Variants in OSBPL5 observed in about 807,000 individuals in gnomAD.
OSBPL5 encodes oxysterol binding protein like 5, also known as oxysterol-binding protein-related protein 5.
Under a neutral mutation model 111.2 loss-of-function variants are expected in OSBPL5, and 71 were observed. The observed-to-expected ratio is 0.64, with a 90% CI of 0.53 to 0.78. The LOEUF (loss-of-function observed/expected upper bound fraction) is 0.78. OSBPL5 is among the 30% of genes least tolerant of loss of function. The pLI, the probability that OSBPL5 is intolerant of heterozygous loss-of-function variation, is 0.00. For missense variants in OSBPL5, 1,210 were observed against 1,189.3 expected (o/e 1.02, Z -0.26); for synonymous variants, 549 against 513.9 (o/e 1.07, Z -0.93).
rs752330966 is a variant in OSBPL5, at chr11:3,104,148, G to C, written c.1244+45C>G. The C allele has an allele frequency of 6.4e-7, 1 of 1,565,048 alleles. No individual in the cohort carries two copies. Among genetic ancestry groups the C allele is most frequent in the Non-Finnish European group, 8.7e-7 (1 of 1,149,286 alleles). The stretch of plus-strand genomic sequence containing the variant: ...TGGGGGTGCTGCAGGGTCTCATGCA[G>C]ATGCAGGACGAGGTGTGGGGTGCCC... On this transcript the variant is annotated intron_variant, in intron 10 of 21. Transcript: ENST00000263650. This position sits in a 1 kb window ranked among gnomAD's most constrained non-coding sequence, Gnocchi z 5.0.
rs148475934 is a variant in OSBPL5 at position 3,163,760 on chromosome 11, C to T, written c.-22+1456G>A. On this transcript the variant is annotated intron_variant, in intron 1 of 21. Transcript: ENST00000263650. The stretch of plus-strand genomic sequence containing the variant: ...GCTGTGTCACCTTTCTTAAACACAG[C>T]CTGGCAAGACAGACACACGCGGTGC... 5.3e-5 allele frequency among the ~76,000 whole-genome samples: 8 copies of T among 152,352 alleles called. No homozygotes were observed. In the East Asian group the frequency reaches 1.4e-3, roughly 26 times the overall value.
At chr11:3,156,974 C>G (rs75112819) in intron 1 of OSBPL5, among the ~76,000 whole-genome samples, 4,702 of 152,340 alleles carry the variant, frequency 0.031, 156 homozygotes, top group African/African-American at 0.074. Context: ...GCCCATGCTC[C>G]AAGCACTGCA....
chr11:3,147,278 G>A (rs1324238556), intron 1 of OSBPL5, among the ~76,000 whole-genome samples: 4 of 152,182 alleles, frequency 2.6e-5, no homozygotes, highest in Non-Finnish European at 4.4e-5. Flanking sequence ...GGGAGTGGGC[G>A]CCAGCTCCAG....
chr11:3,121,237 TA>T lies in OSBPL5; in HGVS notation c.403-614del, dbSNP rs1323953450. ...CATGCCTGGCTAATTTCTGTATTTTTAGTAGAGACGGGGTTTTGCCATTTTG... is the reference window on the plus strand; with the variant it reads ...CATGCCTGGCTAATTTCTGTATTTTTGTAGAGACGGGGTTTTGCCATTTTG... On this transcript the variant is annotated intron_variant, in intron 5 of 21. Transcript: ENST00000263650. This position sits in a 1 kb window ranked among gnomAD's most constrained non-coding sequence, Gnocchi z 4.3. 2.0e-5 allele frequency among the ~76,000 whole-genome samples: 3 copies of T among 151,986 alleles called. No homozygotes were observed. Among genetic ancestry groups the T allele is most frequent in the Non-Finnish European group, 4.4e-5 (3 of 67,984 alleles).
At chr11:3,127,529 C>T (rs1450946338) in intron 2 of OSBPL5, among the ~76,000 whole-genome samples, 1 of 152,250 alleles carries the variant, frequency 6.6e-6, no homozygotes, top group Non-Finnish European at 1.5e-5. Flanking sequence ...CAGAACATCG[C>T]TGACCCTGGC....
Position 3,107,157 on chromosome 11 carries a change from T to TG in OSBPL5, c.1059+105dup. The TG allele has an allele frequency of 7.7e-7, 1 of 1,293,060 alleles. No homozygotes were observed. Among genetic ancestry groups the TG allele is most frequent in the Non-Finnish European group, 1.1e-6 (1 of 947,058 alleles). The allele number at this position is 1,293,060 out of a possible 1,614,324, so 80.1% of individuals were successfully genotyped here. On this transcript the variant is annotated intron_variant, in intron 9 of 21. Transcript: ENST00000263650. The surrounding 1 kb of genome is among the most constrained non-coding windows in gnomAD (Gnocchi z 6.1). Reference sequence around the variant, plus strand: ...AGTGATGGGGACAAAAGCTACCCCCTGGGCCCTGCGTGCTCCCCCTAGGAT... The same window carrying TG: ...AGTGATGGGGACAAAAGCTACCCCCTGGGGCCCTGCGTGCTCCCCCTAGGAT...
rs780486840 is a variant in OSBPL5, at chr11:3,093,654, C to A, written c.1819G>T (p.Val607Leu). Reference protein sequence around the residue: ...ASLSGHWDRDVFIKEEGSGSS... With the variant: ...ASLSGHWDRDLFIKEEGSGSS... ...CCGCTCCCTTCCTCCTTGATAAACA[C>A]GTCCCTGTCCTGCCCCAGATGGCCA... The change falls in exon 17 of 22, where the codon GTG becomes TTG. Residue 607 changes from valine (V) to leucine (L), a missense_variant. By Grantham distance (32) the Val-to-Leu change is conservative. Transcript: ENST00000263650. The A allele has an allele frequency of 2.7e-5, 44 of 1,613,098 alleles. No homozygotes were observed. In the Middle Eastern group the frequency reaches 6.6e-4, roughly 24 times the overall value.
intron 1 of OSBPL5, among the ~76,000 whole-genome samples, chr11:3,157,172 G>GAGCAGACTCACGGCCCAC (rs1846794263): frequency 1.3e-5 from 2 of 152,070 alleles, no homozygotes; most frequent in Non-Finnish European, 2.9e-5. Flanking sequence ...CAAACACATG[G>GAGCAGACTCACGGCCCAC]GAGCAGACTC....
At chr11:3,124,579 G>A (rs941211286) in intron 3 of OSBPL5, among the ~76,000 whole-genome samples, 6 of 152,082 alleles carry the variant, frequency 3.9e-5, no homozygotes, top group African/African-American at 1.2e-4. Context: ...TCTTTCTCAG[G>A]CTCCCTGAGC....
chr11:3,150,357 AG>A lies in OSBPL5; in HGVS notation c.-22+14858del, dbSNP rs993837123. Among the ~76,000 whole-genome samples, 22 of 152,224 alleles carry A rather than the reference AG, an allele frequency of 1.4e-4. 1 individual carries two copies. The East Asian group carries it at 1.7e-3, about 12-fold the overall frequency. On this transcript the variant is annotated intron_variant, in intron 1 of 21. Transcript: ENST00000263650. Reference sequence around the variant, plus strand: ...AGGTAAACATGTCTGATGCAACCACAGGCCTGTCCCAGGTTGTCTTCCGGGC... The same window carrying A: ...AGGTAAACATGTCTGATGCAACCACAGCCTGTCCCAGGTTGTCTTCCGGGC...
intron 1 of OSBPL5, among the ~76,000 whole-genome samples, chr11:3,160,203 C>A (rs1474894972): frequency 6.6e-6 from 1 of 152,192 alleles, no homozygotes; most frequent in African/African-American, 2.4e-5. Flanking sequence ...AGCGTTCCTG[C>A]CCCACGGGCC....
At chr11:3,155,811 G>A (rs767979155) in intron 1 of OSBPL5, among the ~76,000 whole-genome samples, 24 of 152,356 alleles carry the variant, frequency 1.6e-4, no homozygotes, top group Non-Finnish European at 2.5e-4. Flanking sequence ...CCCAAGCCCC[G>A]TCTCCCCGTC....
rs1026332527 is a variant in OSBPL5, at chr11:3,092,813, C to T, written c.2132+54G>A. ...AGGAGCCCCTGGGCCCTTCTCAGCC[C>T]GTCTGCTAGGCCCAGCCCCACCCTG... On this transcript the variant is annotated intron_variant, in intron 18 of 21. Coordinates refer to ENST00000263650, the MANE Select transcript of OSBPL5 (RefSeq NM_020896.4). This position sits in a 1 kb window ranked among gnomAD's most constrained non-coding sequence, Gnocchi z 5.4. The T allele has an allele frequency of 3.0e-5, 44 of 1,473,462 alleles. No individual in the cohort carries two copies. The East Asian group carries it at 4.0e-4, about 13-fold the overall frequency. The allele number at this position is 1,473,462 out of a possible 1,614,324, so 91.3% of individuals were successfully genotyped here.
intron 1 of OSBPL5, among the ~76,000 whole-genome samples, chr11:3,160,672 T>TACC: frequency 8.2e-6 from 1 of 122,538 alleles, no homozygotes; most frequent in Admixed American, 8.4e-5. Flanking sequence ...ATGACAACCC[T>TACC]CCCCCCCCCC....
In OSBPL5 at chr11:3,104,180, G is replaced by T; in HGVS notation, c.1244+13C>A. ...GACGAGGTGTGGGGTGCCCCTCCCG[G>T]CATGGCGCGCACCTGGAGAGCAGGT... On this transcript the variant is annotated intron_variant, in intron 10 of 21. Transcript: ENST00000263650. This position sits in a 1 kb window ranked among gnomAD's most constrained non-coding sequence, Gnocchi z 5.0. 5 of 1,592,778 alleles carry T rather than the reference G, an allele frequency of 3.1e-6. No individual in the cohort carries two copies. The East Asian group carries it at 1.1e-4, about 36-fold the overall frequency.
At position 3,103,775 on chromosome 11, in the gene OSBPL5, GCC is replaced by G. The variant is rs1564830041; in HGVS notation, c.1244+416_1244+417del. On this transcript the variant is annotated intron_variant, in intron 10 of 21. Transcript: ENST00000263650. ...CTTCCAGCTCTGCAGCCCCCTTCCA[GCC>G]TCTGCAGTCCCTTCCTGCCTCTGCA... Among the ~76,000 whole-genome samples the G allele has an allele frequency of 5.7e-3, 279 of 48,958 alleles. 6 individuals carry two copies. Among genetic ancestry groups the G allele is most frequent in the Non-Finnish European group, 0.011 (206 of 18,310 alleles). 32.1% of individuals were successfully genotyped at this position (48,958 alleles called of 152,430 possible).
chr11:3,092,290 G>T lies in OSBPL5; in HGVS notation c.2259+142C>A. Reference sequence around the variant, plus strand: ...CTGAGTCCCATGCTCGGCAGAGAAGGAAAGGGGACGAGGGGGCTGGGGGAT... The same window carrying T: ...CTGAGTCCCATGCTCGGCAGAGAAGTAAAGGGGACGAGGGGGCTGGGGGAT... On this transcript the variant is annotated intron_variant, in intron 19 of 21. Coordinates refer to ENST00000263650, the MANE Select transcript of OSBPL5 (RefSeq NM_020896.4). This position sits in a 1 kb window ranked among gnomAD's most constrained non-coding sequence, Gnocchi z 5.4. The T allele has an allele frequency of 8.2e-7, 1 of 1,214,400 alleles. No individual in the cohort carries two copies. The highest frequency in any genetic ancestry group is 1.1e-6 in the Non-Finnish European group (1 of 904,534). 75.2% of individuals were successfully genotyped at this position (1,214,400 alleles called of 1,614,324 possible).
intron 1 of OSBPL5, among the ~76,000 whole-genome samples, chr11:3,158,654 C>G (rs1564870655): frequency 6.6e-6 from 1 of 152,228 alleles, no homozygotes; most frequent in Non-Finnish European, 1.5e-5. Flanking sequence ...ACACATGAGG[C>G]CTCTTCTGGG....
intron 1 of OSBPL5, among the ~76,000 whole-genome samples, chr11:3,158,040 C>G (rs1484091561): frequency 6.6e-6 from 1 of 152,214 alleles, no homozygotes; most frequent in African/African-American, 2.4e-5. Flanking sequence ...CACTCTGGCA[C>G]TGTAATGGGA....
Sources: gnomAD v4.1 joint callset for allele counts (sites outside exome capture counted in the v4.1 genomes callset) on GRCh38, gnomAD v4.1.1 for gene constraint, Gnocchi (gnomAD v3.1) non-coding constraint, MANE v1.5 for transcripts, NCBI Gene and HGNC (gene_info 2026-07-23, HGNC 2026-07-21) for gene names.